Variants in PDE7B observed in about 807,000 individuals in gnomAD.
PDE7B encodes the protein phosphodiesterase 7B.
PDE7B carries 29 observed loss-of-function variants against 56.2 expected under a neutral mutation model. The ratio of observed to expected loss-of-function variants is 0.52; its 90% CI spans 0.38 to 0.70. The LOEUF is 0.70. Ranked by LOEUF, PDE7B falls within the 30% of genes least tolerant of loss-of-function variation. The pLI is 0.00. For synonymous variants in PDE7B, 197 were observed against 196.9 expected (o/e 1.00, Z 0.00); for missense variants, 490 against 565.0 (o/e 0.87, Z 1.35).
intron 3 of PDE7B, among the ~76,000 whole-genome samples, chr6:136,118,308 C>T (rs939440298): frequency 3.3e-5 from 5 of 152,178 alleles, no homozygotes; most frequent in Admixed American, 3.3e-4. Flanking sequence ...AAAGCATTAT[C>T]ACATTGTAAC....
chr6:136,064,341 A>C (rs1163710557), intron 2 of PDE7B: 1 of 152,152 alleles, frequency 6.6e-6, no homozygotes, highest in African/African-American at 2.4e-5. Flanking sequence ...AAAAATAAAA[A>C]CTTCAGTTTT....
At chr6:135,881,872 T>G (rs963383492) in intron 1 of PDE7B, among the ~76,000 whole-genome samples, 1 of 152,174 alleles carries the variant, frequency 6.6e-6, no homozygotes, top group South Asian at 2.1e-4. Flanking sequence ...TGTTACACAT[T>G]ATTTAAAAAA....
chr6:136,108,125 CAAA>C (rs60727586), intron 2 of PDE7B, among the ~76,000 whole-genome samples: 2 of 108,646 alleles, frequency 1.8e-5, no homozygotes, highest in African/African-American at 7.6e-5. Flanking sequence ...GACTCCATGT[CAAA>C]AAAAAAAAAA....
chr6:135,902,194 C>A (rs1776014195), intron 1 of PDE7B, among the ~76,000 whole-genome samples: 1 of 152,102 alleles, frequency 6.6e-6, no homozygotes, highest in African/African-American at 2.4e-5. Flanking sequence ...AAGAAGGGTG[C>A]ATTTTTTCAA....
At chr6:136,018,795 T>C (rs1259799135) in intron 2 of PDE7B, among the ~76,000 whole-genome samples, 1 of 152,022 alleles carries the variant, frequency 6.6e-6, no homozygotes. Flanking sequence ...TCTATACATA[T>C]ACGTGTGTGT....
chr6:135,903,184 T>C (rs1005073923), intron 1 of PDE7B, among the ~76,000 whole-genome samples: 1 of 152,204 alleles, frequency 6.6e-6, no homozygotes, highest in Non-Finnish European at 1.5e-5. Flanking sequence ...TCAGATTTTC[T>C]TTGCACCTAA....
At chr6:135,852,060 A>C (rs770287985) in intron 1 of PDE7B, 41 bp downstream of exon 1, 16 of 1,390,038 alleles carry the variant, frequency 1.2e-5, no homozygotes, top group Non-Finnish European at 1.4e-5. Context: ...AGTTTTCTTG[A>C]GAGAATAGAG....
At chr6:135,923,805 T>C (rs576783597) in intron 1 of PDE7B, among the ~76,000 whole-genome samples, 1 of 152,136 alleles carries the variant, frequency 6.6e-6, no homozygotes, top group Admixed American at 6.5e-5. Flanking sequence ...TTGTAAAATA[T>C]GACAATGAAT....
At position 136,041,785 on chromosome 6, in the gene PDE7B, A is replaced by T. The variant is rs201745915; in HGVS notation, c.83-66946A>T. Reference sequence around the variant, plus strand: ...CCTTTATGAAGCAAACAAAGGAATTATCTAATTATCTAGTTAACCCCTGTA... The same window carrying T: ...CCTTTATGAAGCAAACAAAGGAATTTTCTAATTATCTAGTTAACCCCTGTA... On this transcript the variant is annotated intron_variant, in intron 2 of 12. Transcript: ENST00000308191. Among the ~76,000 whole-genome samples, 4 of 152,354 alleles carry T rather than the reference A, an allele frequency of 2.6e-5. No individual in the cohort carries two copies. In the East Asian group the frequency reaches 5.8e-4, roughly 22 times the overall value.
At chr6:136,110,536 A>G (rs188366306) in intron 3 of PDE7B, among the ~76,000 whole-genome samples, 8 of 152,338 alleles carry the variant, frequency 5.3e-5, no homozygotes, top group Non-Finnish European at 8.8e-5. Context: ...ATGGTTTCTA[A>G]TATGAACCAC....
At chr6:135,964,883 T>C (rs1301353733) in intron 2 of PDE7B, among the ~76,000 whole-genome samples, 1 of 152,238 alleles carries the variant, frequency 6.6e-6, no homozygotes, top group African/African-American at 2.4e-5. Flanking sequence ...GGCTCATGCC[T>C]GTAATCCCAG....
At chr6:136,104,011 TGA>T (rs1273418814) in intron 2 of PDE7B, among the ~76,000 whole-genome samples, 4 of 152,080 alleles carry the variant, frequency 2.6e-5, no homozygotes, top group African/African-American at 9.7e-5. Flanking sequence ...AGAGGCAGCG[TGA>T]GAGGCCAAGT....
At chr6:136,074,399 T>A (rs1777099087) in intron 2 of PDE7B, among the ~76,000 whole-genome samples, 1 of 152,194 alleles carries the variant, frequency 6.6e-6, no homozygotes, top group Non-Finnish European at 1.5e-5. Flanking sequence ...GGGATATCTA[T>A]CACATCAAGC....
intron 1 of PDE7B, among the ~76,000 whole-genome samples, chr6:135,933,049 C>G (rs1774322423): frequency 6.6e-6 from 1 of 152,112 alleles, no homozygotes; most frequent in South Asian, 2.1e-4. Flanking sequence ...GGCTCTGTCT[C>G]CATGGTTTTT....
At chr6:135,894,995 A>G (rs970350612) in intron 1 of PDE7B, among the ~76,000 whole-genome samples, 1 of 152,116 alleles carries the variant, frequency 6.6e-6, no homozygotes, top group Non-Finnish European at 1.5e-5. Flanking sequence ...TAAATGTGCT[A>G]AAAAGGGTTT....
intron 1 of PDE7B, among the ~76,000 whole-genome samples, chr6:135,902,401 G>T (rs1002510893): frequency 6.7e-6 from 1 of 149,036 alleles, no homozygotes; most frequent in Non-Finnish European, 1.5e-5. Context: ...TACACAATTT[G>T]TTCTTCTTTG....
At chr6:136,009,802 T>G (rs1562468437) in intron 2 of PDE7B, among the ~76,000 whole-genome samples, 1 of 152,212 alleles carries the variant, frequency 6.6e-6, no homozygotes, top group Non-Finnish European at 1.5e-5. Context: ...GACTTCTTCT[T>G]TTCCTAACTG....
chr6:135,907,783 T>G (rs552650327), intron 1 of PDE7B, among the ~76,000 whole-genome samples: 33 of 152,286 alleles, frequency 2.2e-4, no homozygotes, highest in Non-Finnish European at 4.0e-4. Context: ...TAAACAGTTT[T>G]GAAAAACTTT....
intron 2 of PDE7B, chr6:136,049,051 CCTT>C (rs890585324): frequency 6.6e-6 from 1 of 152,288 alleles, no homozygotes; most frequent in Admixed American, 6.5e-5. Context: ...AACAGTCTAT[CCTT>C]CTTACATCGC....
Sources: gnomAD v4.1 joint callset for allele counts (sites outside exome capture counted in the v4.1 genomes callset) on GRCh38, gnomAD v4.1.1 for gene constraint, MANE v1.5 for transcripts, NCBI Gene and HGNC (gene_info 2026-07-23, HGNC 2026-07-21) for gene names.